The following ASXL1 variants were observed in gnomAD, a reference collection of about 807,000 sequenced individuals.
The protein encoded by ASXL1 is ASXL transcriptional regulator 1.
A neutral mutation model predicts 89.1 loss-of-function variants in ASXL1; 65 were observed. The observed-to-expected ratio is 0.73, with a 90% CI of 0.60 to 0.90. ASXL1 has a LOEUF of 0.90. Ranked by LOEUF, ASXL1 falls within the 40% of genes least tolerant of loss-of-function variation. ASXL1 has a pLI of 0.00. For synonymous variants in ASXL1, 739 were observed against 746.9 expected, an observed-to-expected ratio of 0.99 and a Z score of 0.17; for missense variants, 1,786 against 1,942.9, an observed-to-expected ratio of 0.92 and a Z score of 1.52.
chr20:32,398,296 A>ACTGCAACATCTG (rs1431996030), intron 4 of ASXL1, among the ~76,000 whole-genome samples: 21 of 152,002 alleles, frequency 1.4e-4, no homozygotes, highest in African/African-American at 5.1e-4. Flanking sequence ...ATCTCGGCTC[A>ACTGCAACATCTG]CTGCAACATC....
At chr20:32,387,127 C>T (rs1279672384) in intron 4 of ASXL1, among the ~76,000 whole-genome samples, 1 of 151,720 alleles carries the variant, frequency 6.6e-6, no homozygotes, top group African/African-American at 2.4e-5. Context: ...TGGTGAAACC[C>T]CTTCTACTAA....
In ASXL1 at chr20:32,431,724, G is replaced by T. The variant is rs750439650; in HGVS notation, c.979+45G>T. The T allele has an allele frequency of 2.6e-5, 41 of 1,584,272 alleles. No homozygotes were observed. The South Asian group carries it at 4.3e-4, about 17-fold the overall frequency. ...TCGGACGGCTTGCGACGCACCTGTCGTGTGGTGTTGCATGTCTCCTGGTAT... is the reference window on the plus strand; with the variant it reads ...TCGGACGGCTTGCGACGCACCTGTCTTGTGGTGTTGCATGTCTCCTGGTAT... On this transcript the variant is annotated intron_variant, in intron 10 of 12. Coordinates refer to ENST00000375687, the MANE Select transcript of ASXL1 (RefSeq NM_015338.6).
intron 4 of ASXL1, among the ~76,000 whole-genome samples, chr20:32,370,044 G>A (rs2048275630): frequency 6.6e-6 from 1 of 152,104 alleles, no homozygotes; most frequent in Admixed American, 6.6e-5. Flanking sequence ...TTAGGATTTT[G>A]TTGTAGTAAT....
intron 4 of ASXL1, among the ~76,000 whole-genome samples, chr20:32,379,710 C>T (rs2048454224): frequency 6.6e-6 from 1 of 151,586 alleles, no homozygotes; most frequent in African/African-American, 2.4e-5. Context: ...CCTGTAATCC[C>T]AGCTACTAGG....
intron 4 of ASXL1, among the ~76,000 whole-genome samples, chr20:32,416,589 C>T (rs190702462): frequency 9.2e-5 from 14 of 152,240 alleles, no homozygotes; most frequent in African/African-American, 2.9e-4. Context: ...TATCCAGTCC[C>T]CTGCTATGAA....
At chr20:32,385,452 C>A (rs997491919) in intron 4 of ASXL1, among the ~76,000 whole-genome samples, 4 of 152,140 alleles carry the variant, frequency 2.6e-5, no homozygotes, top group African/African-American at 7.2e-5. Context: ...CTGAATGATG[C>A]TGTCTTTTTT....
At chr20:32,389,381 G>C (rs937327979) in intron 4 of ASXL1, among the ~76,000 whole-genome samples, 5 of 152,046 alleles carry the variant, frequency 3.3e-5, no homozygotes, top group African/African-American at 1.2e-4. Context: ...GGTTGTTTCT[G>C]GTTCTTGCTG....
chr20:32,427,082 C>T (rs762092011), intron 4 of ASXL1: 6 of 152,166 alleles, frequency 3.9e-5, no homozygotes, highest in Non-Finnish European at 7.3e-5. Context: ...TCTGCCCCAA[C>T]TTATCTTCTT....
At chr20:32,401,544 G>GTGTGTGTT (rs35101542) in intron 4 of ASXL1, among the ~76,000 whole-genome samples, 3 of 69,304 alleles carry the variant, frequency 4.3e-5, no homozygotes, top group African/African-American at 1.0e-4. Flanking sequence ...GTGTGTGTGT[G>GTGTGTGTT]TTTTTTCCCC....
chr20:32,418,436 C>T (rs2049175830), intron 4 of ASXL1, among the ~76,000 whole-genome samples: 1 of 152,142 alleles, frequency 6.6e-6, no homozygotes, highest in Admixed American at 6.6e-5. Flanking sequence ...CCATTGTTTA[C>T]CTACTTTAAT....
intron 4 of ASXL1, among the ~76,000 whole-genome samples, chr20:32,380,355 A>G (rs1397395442): frequency 1.3e-5 from 2 of 152,236 alleles, no homozygotes; most frequent in Non-Finnish European, 2.9e-5. Context: ...AAATAAAGGA[A>G]AAAGCAGTGG....
chr20:32,362,416 C>A (rs1308763301), intron 1 of ASXL1, among the ~76,000 whole-genome samples: 106 of 152,276 alleles, frequency 7.0e-4, no homozygotes, highest in African/African-American at 2.4e-3. Flanking sequence ...GCGGGCGGAT[C>A]ACGAGGTCAG....
At chr20:32,422,905 G>A (rs2011181067) in intron 4 of ASXL1, among the ~76,000 whole-genome samples, 1 of 151,848 alleles carries the variant, frequency 6.6e-6, no homozygotes, top group African/African-American at 2.4e-5. Context: ...TTTATATGTA[G>A]GATTTAGTGA....
At chr20:32,363,992 T>C (rs1033716351) in intron 1 of ASXL1, among the ~76,000 whole-genome samples, 1 of 152,200 alleles carries the variant, frequency 6.6e-6, no homozygotes, top group Non-Finnish European at 1.5e-5. Flanking sequence ...AGGCATTACT[T>C]ACATTGTCTC....
At chr20:32,364,881 T>G (rs935932789) in intron 1 of ASXL1, among the ~76,000 whole-genome samples, 3 of 152,086 alleles carry the variant, frequency 2.0e-5, no homozygotes, top group Non-Finnish European at 4.4e-5. Flanking sequence ...GACAACAGAG[T>G]CAGAATGGAT....
At chr20:32,430,285 C>T (rs1034858266) in intron 8 of ASXL1, 3 of 585,260 alleles carry the variant, frequency 5.1e-6, no homozygotes, top group Non-Finnish European at 8.6e-6. Flanking sequence ...CTCGTATGTC[C>T]CTGTAGGCCT....
At chr20:32,384,198 GTTTTTTTTTTTTTTTT>G (rs71187115) in intron 4 of ASXL1, among the ~76,000 whole-genome samples, 1 of 77,304 alleles carries the variant, frequency 1.3e-5, no homozygotes, top group African/African-American at 4.7e-5. Flanking sequence ...GCAGCAGTCT[GTTTTTTTTTTTTTTTT>G]TTTTTTTTTT....
intron 4 of ASXL1, among the ~76,000 whole-genome samples, chr20:32,385,678 T>TA (rs1269663283): frequency 6.6e-6 from 1 of 152,182 alleles, no homozygotes; most frequent in Admixed American, 6.5e-5. Flanking sequence ...ATTATCCCGT[T>TA]ATGCTGGATA....
chr20:32,410,195 G>C (rs1407247280), intron 4 of ASXL1, among the ~76,000 whole-genome samples: 1 of 152,152 alleles, frequency 6.6e-6, no homozygotes, highest in East Asian at 1.9e-4. Context: ...TATCTGCTGG[G>C]GATGTTTCAA....
Sources: gnomAD v4.1 joint callset for allele counts (sites outside exome capture counted in the v4.1 genomes callset) on GRCh38, gnomAD v4.1.1 for gene constraint, MANE v1.5 for transcripts, NCBI Gene and HGNC (gene_info 2026-07-23, HGNC 2026-07-21) for gene names.